Variants in LARGE1 observed in about 807,000 individuals in gnomAD.
LARGE1 encodes LARGE xylosyl- and glucuronyltransferase 1.
In LARGE1, 43 loss-of-function variants were observed where a neutral mutation model predicts 87.6. That is an observed-to-expected ratio of 0.49 (90% CI 0.38 to 0.63). LARGE1 has a LOEUF of 0.63. Ranked by LOEUF, LARGE1 falls within the 30% of genes least tolerant of loss-of-function variation. The pLI is 0.00. For missense variants in LARGE1, 802 were observed against 1,000.2 expected, an observed-to-expected ratio of 0.80 and a Z score of 2.67; for synonymous variants, 434 against 394.6, an observed-to-expected ratio of 1.10 and a Z score of -1.18.
At chr22:33,089,606 T>G in the LARGE1 span, among the ~76,000 whole-genome samples, 64,945 of 151,352 alleles carry the variant, frequency 0.43, 14,822 homozygotes, top group Middle Eastern at 0.61. Context: ...CAAGGGATCC[T>G]GCCACCTCAG....
intron 1 of LARGE1, among the ~76,000 whole-genome samples, chr22:33,849,025 G>A (rs949095159): frequency 6.6e-6 from 1 of 152,212 alleles, no homozygotes; most frequent in Non-Finnish European, 1.5e-5. Context: ...CCGTCCCAGA[G>A]AACAGTTCTT....
intron 2 of LARGE1, among the ~76,000 whole-genome samples, chr22:33,755,122 T>C (rs2084462706): frequency 6.6e-6 from 1 of 152,226 alleles, no homozygotes; most frequent in Non-Finnish European, 1.5e-5. Context: ...GGAACCGTAT[T>C]TTTTTCTGTT....
intron 6 of LARGE1, among the ~76,000 whole-genome samples, chr22:33,532,109 T>C (rs1037339384): frequency 5.3e-5 from 8 of 152,378 alleles, no homozygotes; most frequent in Non-Finnish European, 7.3e-5. Flanking sequence ...AATAAATGGA[T>C]GAATAGAACA....
chr22:33,282,793 A>G (rs1292182552), intron 13 of LARGE1, among the ~76,000 whole-genome samples: 1 of 152,204 alleles, frequency 6.6e-6, no homozygotes, highest in African/African-American at 2.4e-5. Flanking sequence ...AAACTGCCAC[A>G]GTGGTGCTAA....
intron 7 of LARGE1, among the ~76,000 whole-genome samples, chr22:33,420,460 A>G (rs2066651506): frequency 6.6e-6 from 1 of 152,214 alleles, no homozygotes; most frequent in Non-Finnish European, 1.5e-5. Context: ...GGAGGAGAAT[A>G]AGGTGGAAAA....
At chr22:33,834,882 G>A (rs2063070069) in intron 1 of LARGE1, among the ~76,000 whole-genome samples, 1 of 152,198 alleles carries the variant, frequency 6.6e-6, no homozygotes, top group African/African-American at 2.4e-5. Flanking sequence ...ATCAGGCAGA[G>A]GCAAGTCATG....
intron 14 of LARGE1, 26 bp downstream of exon 14, chr22:33,277,034 C>T (rs377673661): frequency 6.2e-7 from 1 of 1,610,628 alleles, no homozygotes; most frequent in East Asian, 2.2e-5. Context: ...GTCGACCATA[C>T]CAGGTGGATG....
the LARGE1 span, among the ~76,000 whole-genome samples, chr22:33,128,335 A>G: frequency 6.6e-6 from 1 of 152,212 alleles, no homozygotes; most frequent in Admixed American, 6.5e-5. Flanking sequence ...ACAATAACAA[A>G]GACATAGAAT....
intron 5 of LARGE1, among the ~76,000 whole-genome samples, chr22:33,568,007 G>T (rs1347905841): frequency 6.6e-6 from 1 of 152,182 alleles, no homozygotes; most frequent in South Asian, 2.1e-4. Context: ...TTTAATAAAA[G>T]GACTATTTAA....
chr22:33,834,578 C>T (rs891588822), intron 1 of LARGE1, among the ~76,000 whole-genome samples: 5 of 152,194 alleles, frequency 3.3e-5, no homozygotes, highest in African/African-American at 9.6e-5. Context: ...CATCTCCCTT[C>T]GCTGACTCTC....
chr22:33,764,704 G>A lies in LARGE1; in HGVS notation c.-82-3146C>T, dbSNP rs528623250. ...ACCCGGGAGGCGGAGGTTACAGTGA[G>A]CAAGATTGTGCCACCGCACTCCAGC... On this transcript the variant is annotated intron_variant, in intron 1 of 14. Coordinates refer to ENST00000397394, the MANE Select transcript of LARGE1 (RefSeq NM_133642.5). Among the ~76,000 whole-genome samples the A allele has an allele frequency of 7.9e-5, 12 of 152,286 alleles. 1 individual carries two copies. In the South Asian group the frequency reaches 1.9e-3, roughly 24 times the overall value.
intron 1 of LARGE1, among the ~76,000 whole-genome samples, chr22:33,839,066 C>T (rs1259638824): frequency 1.3e-5 from 2 of 152,248 alleles, no homozygotes; most frequent in East Asian, 1.9e-4. Flanking sequence ...ATTTTTGCAT[C>T]GCTAGAAAGA....
In LARGE1 at chr22:33,516,297, C is replaced by T. The variant is rs144342831; in HGVS notation, c.787+48551G>A. Among the ~76,000 whole-genome samples the T allele has an allele frequency of 3.8e-3, 577 of 152,202 alleles. 2 individuals carry two copies. Among genetic ancestry groups the T allele is most frequent in the African/African-American group, 9.9e-3 (411 of 41,530 alleles). On this transcript the variant is annotated intron_variant, in intron 6 of 14. Transcript: ENST00000397394. ...TGACGAAGGCAGGCAAGACATCCAG[C>T]GGGCTGAAATAGTGTGAGGATGTGG...
intron 10 of LARGE1, among the ~76,000 whole-genome samples, chr22:33,319,987 A>G (rs1936555667): frequency 6.6e-6 from 1 of 152,162 alleles, no homozygotes; most frequent in South Asian, 2.1e-4. Flanking sequence ...TTAACCGTTA[A>G]AAGGATGCAA....
At chr22:33,687,399 A>T (rs1484450409) in intron 2 of LARGE1, among the ~76,000 whole-genome samples, 18 of 149,178 alleles carry the variant, frequency 1.2e-4, no homozygotes, top group Admixed American at 6.0e-4. Context: ...TTTTTTTTTT[A>T]AATAATATTC....
At chr22:33,915,042 C>CACACACACACAG (rs144076486) in intron 1 of LARGE1, among the ~76,000 whole-genome samples, 18 of 137,112 alleles carry the variant, frequency 1.3e-4, no homozygotes, top group South Asian at 2.4e-4. Flanking sequence ...CACACACACA[C>CACACACACACAG]AGAGAGAGAG....
At chr22:33,539,593 T>TC (rs1358426105) in intron 6 of LARGE1, among the ~76,000 whole-genome samples, 2 of 143,776 alleles carry the variant, frequency 1.4e-5, no homozygotes, top group African/African-American at 2.6e-5. Context: ...CCTCCAAACT[T>TC]TTTTTTTTTT....
chr22:33,124,799 C>T, the LARGE1 span, among the ~76,000 whole-genome samples: 6 of 152,068 alleles, frequency 3.9e-5, no homozygotes, highest in Admixed American at 1.3e-4. Flanking sequence ...CCCAGAAGTT[C>T]GAGACCAGCC....
chr22:33,464,022 G>A (rs1331170267), intron 6 of LARGE1, among the ~76,000 whole-genome samples: 2 of 152,058 alleles, frequency 1.3e-5, no homozygotes, highest in East Asian at 1.9e-4. Context: ...AAAGGGAGGA[G>A]AGCAGGTAAG....
Sources: allele counts gnomAD v4.1 joint callset (sites outside exome capture counted in the v4.1 genomes callset), GRCh38; gene constraint gnomAD v4.1.1; transcripts MANE v1.5; gene names NCBI Gene and HGNC (gene_info 2026-07-23, HGNC 2026-07-21).